Variants in AHCY observed in about 807,000 individuals in gnomAD.
The protein encoded by AHCY is S-adenosyl-L-homocysteine hydrolase.
A neutral mutation model predicts 45.4 loss-of-function variants in AHCY; 24 were observed. The ratio of observed to expected loss-of-function variants is 0.53; its 90% CI spans 0.38 to 0.74. The LOEUF is 0.74. AHCY is among the 30% of genes least tolerant of loss of function. The pLI is 0.00. For missense variants in AHCY, 449 were observed against 594.1 expected, an observed-to-expected ratio of 0.76 and a Z score of 2.54; for synonymous variants, 245 against 235.1, an observed-to-expected ratio of 1.04 and a Z score of -0.39.
At chr20:34,305,256 C>G (rs1236044275), upstream of AHCY, among the ~76,000 whole-genome samples, 1 of 151,668 alleles carries the variant, frequency 6.6e-6, no homozygotes, top group Non-Finnish European at 1.5e-5. Context: ...CCCGGGAGGC[C>G]GAGCTTGCAG....
intron 8 of AHCY, among the ~76,000 whole-genome samples, chr20:34,289,662 G>C (rs1455349028): frequency 6.6e-6 from 1 of 151,552 alleles, no homozygotes; most frequent in East Asian, 1.9e-4. Flanking sequence ...ATTTTTAGTA[G>C]AGATGGGGTT....
chr20:34,293,054 G>A (rs571780148), intron 3 of AHCY, among the ~76,000 whole-genome samples: 17 of 152,252 alleles, frequency 1.1e-4, no homozygotes, highest in African/African-American at 3.9e-4. Context: ...AAATGACTAC[G>A]AGCAGCTACC....
At chr20:34,234,888 T>A in the AHCY span, 1 of 151,494 alleles carries the variant, frequency 6.6e-6, no homozygotes, top group Admixed American at 6.6e-5. Context: ...TCCTCATATA[T>A]TTCATGTTTA....
chr20:34,295,716 T>C (rs1276450817), intron 1 of AHCY, 131 bp from the exon 2 acceptor site: 3 of 918,272 alleles, frequency 3.3e-6, no homozygotes, highest in Non-Finnish European at 3.5e-6. Context: ...CACCGCATTC[T>C]CTCACTCATG....
At chr20:34,295,163 C>A in intron 2 of AHCY, 1 of 635,854 alleles carries the variant, frequency 1.6e-6, no homozygotes, top group East Asian at 2.8e-5. Flanking sequence ...CAGGAGGATG[C>A]CTTGAGGGTA....
Position 34,280,959 on chromosome 20 carries a change from G to T in AHCY, c.*75C>A. 1 of 1,599,790 alleles carries T rather than the reference G, an allele frequency of 6.3e-7. No homozygotes were observed. The highest frequency in any genetic ancestry group is 2.2e-5 in the East Asian group (1 of 44,502). On this transcript the variant is annotated 3_prime_UTR_variant, in exon 10 of 10. Transcript: ENST00000217426. ...CTGACAAACCAATCACAAAGTTGGT[G>T]CCATTAGCTCTTAGGGAGGAGAGGT...
the AHCY span, among the ~76,000 whole-genome samples, chr20:34,274,250 G>T: frequency 6.6e-6 from 1 of 152,172 alleles, no homozygotes; most frequent in Admixed American, 6.5e-5. Context: ...ATGACACCAA[G>T]ACTATCAAAT....
Position 34,290,188 on chromosome 20 carries a change from C to T in AHCY, c.972+144G>A, listed in dbSNP as rs959290020. The T allele has an allele frequency of 5.6e-5, 47 of 837,806 alleles. No individual in the cohort carries two copies. Among genetic ancestry groups the T allele is most frequent in the African/African-American group, 5.5e-4 (33 of 60,316 alleles). 51.9% of individuals were successfully genotyped at this position (837,806 alleles called of 1,614,324 possible). Reference sequence around the variant, plus strand: ...GGCTGCCCACAGGATAAGGTTGCCACGTCTGGCTGGCTCTGATGCTAGGCC... The same window carrying T: ...GGCTGCCCACAGGATAAGGTTGCCATGTCTGGCTGGCTCTGATGCTAGGCC... On this transcript the variant is annotated intron_variant, in intron 8 of 9. Coordinates refer to ENST00000217426, the MANE Select transcript of AHCY (RefSeq NM_000687.4). This position sits in a 1 kb window ranked among gnomAD's most constrained non-coding sequence, Gnocchi z 4.5.
rs1021875336 is a variant in AHCY, at chr20:34,292,403, C to T, written c.400G>A (p.Asp134Asn). 4 of 1,613,676 alleles carry T rather than the reference C, an allele frequency of 2.5e-6. No homozygotes were observed. Among genetic ancestry groups the T allele is most frequent in the African/African-American group, 1.3e-5 (1 of 75,028 alleles). The part of the protein sequence containing the change: ...PLNMILDDGG[D>N]LTNLIHTKYP... ...TTGGTGTGGATGAGGTTGGTGAGGT[C>T]GCCCCCGTCGTCCAGAATCATGTTG... The change falls in exon 4 of 10, where the codon GAC (aspartate) becomes AAC (asparagine). Residue 134 changes from aspartate (D) to asparagine (N), a missense_variant. Asp to Asn is a conservative substitution (Grantham distance 23). Transcript: ENST00000217426.
intron 9 of AHCY, among the ~76,000 whole-genome samples, chr20:34,282,306 T>G (rs2036029934): frequency 6.6e-6 from 1 of 152,146 alleles, no homozygotes; most frequent in East Asian, 1.9e-4. Context: ...AATTGAGACC[T>G]CCTGTCAACA....
At chr20:34,310,593 A>G (rs191110954) in intron 1 of AHCY, among the ~76,000 whole-genome samples, 1 of 152,360 alleles carries the variant, frequency 6.6e-6, no homozygotes, top group Admixed American at 6.5e-5. Context: ...GTTTGTACAC[A>G]TGAGCAAAAT....
At chr20:34,285,411 C>T (rs2122729327) in intron 9 of AHCY, 29 bp downstream of exon 9, 2 of 1,613,044 alleles carry the variant, frequency 1.2e-6, no homozygotes, top group Non-Finnish European at 8.5e-7. Flanking sequence ...ACACGTGACC[C>T]TTGGCTTGAG....
At chr20:34,243,611 G>C in the AHCY span, among the ~76,000 whole-genome samples, 80 of 152,106 alleles carry the variant, frequency 5.3e-4, no homozygotes, top group African/African-American at 1.8e-3. Context: ...AGCACCAACA[G>C]AATACATATG....
the AHCY span, among the ~76,000 whole-genome samples, chr20:34,247,899 G>A: frequency 6.6e-6 from 1 of 152,018 alleles, no homozygotes; most frequent in African/African-American, 2.4e-5. Context: ...GCCCTGTCTT[G>A]TATGACTTTT....
At chr20:34,260,038 TG>T in the AHCY span, among the ~76,000 whole-genome samples, 1 of 152,006 alleles carries the variant, frequency 6.6e-6, no homozygotes, top group East Asian at 1.9e-4. Flanking sequence ...TGGGGTCTCC[TG>T]GGGCCACAGA....
intron 1 of AHCY, chr20:34,302,952 G>A (rs1219397934): frequency 3.0e-6 from 3 of 985,334 alleles, no homozygotes; most frequent in African/African-American, 1.7e-5. Context: ...CCAGGCCGTG[G>A]CCAGGTGTGC....
intron 1 of AHCY, chr20:34,302,918 A>G (rs2036828851): frequency 1.0e-6 from 1 of 985,360 alleles, no homozygotes; most frequent in Non-Finnish European, 1.2e-6. Flanking sequence ...CCCCCCGAGC[A>G]GGGTCCGGCA....
At chr20:34,257,901 T>C in the AHCY span, among the ~76,000 whole-genome samples, 1 of 152,218 alleles carries the variant, frequency 6.6e-6, no homozygotes, top group African/African-American at 2.4e-5. Context: ...CCCAGCACTT[T>C]GGGAAGCCAA....
the AHCY span, among the ~76,000 whole-genome samples, chr20:34,257,026 A>ATTTCTTTCTTTCTT: frequency 3.4e-5 from 5 of 148,474 alleles, no homozygotes; most frequent in South Asian, 1.1e-3. Flanking sequence ...TTAAAGTTGA[A>ATTTCTTTCTTTCTT]TTTCTTTCTT....
Sources: allele counts gnomAD v4.1 joint callset (sites outside exome capture counted in the v4.1 genomes callset), GRCh38; gene constraint gnomAD v4.1.1; non-coding constraint Gnocchi (gnomAD v3.1); transcripts MANE v1.5; gene names NCBI Gene and HGNC (gene_info 2026-07-23, HGNC 2026-07-21).